B3GALT1: variants seen among roughly 807,000 people sequenced by gnomAD.
B3GALT1 encodes the protein beta-1,3-galactosyltransferase 1.
Under a neutral mutation model 23.2 loss-of-function variants are expected in B3GALT1, and 10 were observed. The ratio of observed to expected loss-of-function variants is 0.43; its 90% CI spans 0.27 to 0.73. The LOEUF (loss-of-function observed/expected upper bound fraction) is 0.73, where lower values mean the gene tolerates loss of function less well. Among genes scored for constraint, B3GALT1 ranks in the 30% least tolerant of loss-of-function variants. The probability of loss-of-function intolerance (pLI) is 0.21; values close to 1 mark genes in which losing one functional copy is unlikely to be tolerated. For synonymous variants in B3GALT1, 156 were observed against 141.5 expected, an observed-to-expected ratio of 1.10 and a Z score of -0.73; for missense variants, 299 against 405.4, an observed-to-expected ratio of 0.74 and a Z score of 2.25.
chr2:167,862,401 G>A (rs922692252), intron 4 of B3GALT1, among the ~76,000 whole-genome samples: 7 of 152,170 alleles, frequency 4.6e-5, no homozygotes, highest in African/African-American at 1.7e-4. Context: ...AGCAGAGAGA[G>A]CAAATTAGCC....
chr2:167,869,492 C>G lies in B3GALT1; in HGVS notation c.453C>G (p.Asn151Lys). 1 of 1,614,042 alleles carries G rather than the reference C, an allele frequency of 6.2e-7. No homozygotes were observed. Among genetic ancestry groups the G allele is most frequent in the Non-Finnish European group, 8.5e-7 (1 of 1,180,022 alleles). Residue 151 changes from asparagine (N) to lysine (K), a missense_variant, in exon 5 of 5, where the codon AAC (asparagine) becomes AAG (lysine). By Grantham distance (94) the Asn-to-Lys change is moderately conservative (BLOSUM62 0). Coordinates refer to ENST00000392690, the MANE Select transcript of B3GALT1 (RefSeq NM_020981.4). This position sits in a 1 kb window ranked among gnomAD's most constrained non-coding sequence, Gnocchi z 6.4. ...AGGACTTTATTGACTCCTACCATAA[C>G]CTTACCCTCAAAACATTAATGGGGA... ...IVEDFIDSYH[N>K]LTLKTLMGMR...
chr2:167,512,596 A>G lies in B3GALT1; in HGVS notation c.-410+22319A>G, dbSNP rs185966823. On this transcript the variant is annotated intron_variant, in intron 2 of 4. Transcript: ENST00000392690. The stretch of plus-strand genomic sequence containing the variant: ...TATATATATGTATATATATATGTGT[A>G]TATATATATATGTATATATATATAC... Among the ~76,000 whole-genome samples, 344 of 75,326 alleles carry G rather than the reference A, an allele frequency of 4.6e-3. 25 individuals are homozygous for G. The highest frequency in any genetic ancestry group is 0.034 in the Admixed American group (231 of 6,854). The allele number at this position is 75,326 out of a possible 152,430, so 49.4% of individuals were successfully genotyped here. A position where few individuals can be genotyped will look rare whatever the true frequency, so the allele number is the denominator to read the frequency against.
intron 2 of B3GALT1, among the ~76,000 whole-genome samples, chr2:167,548,692 G>GTGTGTGTGTGTGTGTGAGAGTGTA (rs1338969574): frequency 4.5e-5 from 6 of 134,766 alleles, no homozygotes; most frequent in African/African-American, 1.5e-4. Flanking sequence ...GTGAGTGTGT[G>GTGTGTGTGTGTGTGTGAGAGTGTA]TGTGTGTGTG....
chr2:167,364,731 T>TAC (rs1697560663), intron 1 of B3GALT1, among the ~76,000 whole-genome samples: 1 of 152,208 alleles, frequency 6.6e-6, no homozygotes, highest in African/African-American at 2.4e-5. Flanking sequence ...CTTATATATA[T>TAC]ACACATACAC....
intron 1 of B3GALT1, among the ~76,000 whole-genome samples, chr2:167,451,936 G>A (rs1027243216): frequency 2.6e-5 from 4 of 152,098 alleles, no homozygotes; most frequent in African/African-American, 9.7e-5. Flanking sequence ...TGCTGCCTTT[G>A]CTGTGTCGTG....
In B3GALT1 at chr2:167,336,822, C is replaced by G. The variant is rs112055008; in HGVS notation, c.-511+43488C>G. Among the ~76,000 whole-genome samples the G allele has an allele frequency of 4.6e-5, 7 of 152,162 alleles. 1 individual carries two copies. The highest frequency in any genetic ancestry group is 1.7e-4 in the African/African-American group (7 of 41,530). ...CTATAATAACTTTTACAGTTCTAAA[C>G]ATTTCCCTCAAGGGCCCATATCCTG... On this transcript the variant is annotated intron_variant, in intron 1 of 4. Transcript: ENST00000392690.
At chr2:167,784,470 G>A (rs1558978140) in intron 3 of B3GALT1, among the ~76,000 whole-genome samples, 1 of 152,160 alleles carries the variant, frequency 6.6e-6, no homozygotes, top group African/African-American at 2.4e-5. Flanking sequence ...TACTGGCACT[G>A]CAAGAGCTAA....
intron 2 of B3GALT1, among the ~76,000 whole-genome samples, chr2:167,595,712 T>C (rs1396905816): frequency 7.2e-5 from 11 of 152,172 alleles, no homozygotes; most frequent in Admixed American, 7.2e-4. Flanking sequence ...TCCACCAAAA[T>C]GAAATGAGAA....
Position 167,857,844 on chromosome 2 carries a change from C to T in B3GALT1, c.-229-10967C>T, listed in dbSNP as rs1003508244. Among the ~76,000 whole-genome samples, 23 of 152,098 alleles carry T rather than the reference C, an allele frequency of 1.5e-4. 1 individual carries two copies. The highest frequency in any genetic ancestry group is 5.3e-4 in the African/African-American group (22 of 41,436). On this transcript the variant is annotated intron_variant, in intron 4 of 4. Transcript: ENST00000392690. ...TCTAGAACAATTTATAAATCTGATT[C>T]TAGCGCTGAAAATTGCTAAGTCCCT... is the stretch of plus-strand genomic sequence containing the variant.
chr2:167,479,446 A>T (rs1221339083), intron 1 of B3GALT1, among the ~76,000 whole-genome samples: 12 of 152,204 alleles, frequency 7.9e-5, no homozygotes, highest in Admixed American at 7.2e-4. Flanking sequence ...TTTAAGAGTG[A>T]ACTGATATAT....
chr2:167,683,746 AACACAC>A (rs369993410), intron 3 of B3GALT1, among the ~76,000 whole-genome samples: 2 of 150,808 alleles, frequency 1.3e-5, no homozygotes, highest in Admixed American at 6.6e-5. Flanking sequence ...TTAAAAAGAA[AACACAC>A]ACACACACAC....
chr2:167,557,578 G>A (rs55771646), intron 2 of B3GALT1, among the ~76,000 whole-genome samples: 5,041 of 152,290 alleles, frequency 0.033, 191 homozygotes, highest in African/African-American at 0.087. Context: ...GAATGTAAGA[G>A]GAGAGAACCC....
At chr2:167,333,019 C>T (rs943576711) in intron 1 of B3GALT1, among the ~76,000 whole-genome samples, 3 of 152,156 alleles carry the variant, frequency 2.0e-5, no homozygotes, top group African/African-American at 7.2e-5. Context: ...ACAAGCATAC[C>T]TTTCCTAAAA....
intron 1 of B3GALT1, among the ~76,000 whole-genome samples, chr2:167,305,524 T>C (rs1049248991): frequency 3.3e-5 from 5 of 152,150 alleles, no homozygotes; most frequent in African/African-American, 9.6e-5. Context: ...ATTTAAAATG[T>C]ATGTGTGCTT....
At chr2:167,740,939 G>A (rs188599518) in intron 3 of B3GALT1, among the ~76,000 whole-genome samples, 609 of 152,266 alleles carry the variant, frequency 4.0e-3, no homozygotes, top group Non-Finnish European at 6.4e-3. Context: ...TCCATCTCTG[G>A]GAGGAGCTCC....
At chr2:167,701,383 G>T (rs532362307) in intron 3 of B3GALT1, among the ~76,000 whole-genome samples, 7 of 152,204 alleles carry the variant, frequency 4.6e-5, no homozygotes, top group Admixed American at 4.6e-4. Flanking sequence ...CAGTGCAGCA[G>T]CCTGTGGACA....
At chr2:167,462,168 A>G (rs555409641) in intron 1 of B3GALT1, among the ~76,000 whole-genome samples, 1 of 152,202 alleles carries the variant, frequency 6.6e-6, no homozygotes, top group East Asian at 1.9e-4. Flanking sequence ...GGAGTTAGGC[A>G]GTGATATGTT....
At position 167,563,085 on chromosome 2, in the gene B3GALT1, A is replaced by G. The variant is rs551803911; in HGVS notation, c.-410+72808A>G. ...GACACGGCAACCATCCGATTTCTCA[A>G]TCTTCTCCCCACCTTTCCCCCCCTT... On this transcript the variant is annotated intron_variant, in intron 2 of 4. Transcript: ENST00000392690. Among the ~76,000 whole-genome samples the G allele has an allele frequency of 2.7e-3, 404 of 151,654 alleles. 1 individual carries two copies. Among genetic ancestry groups the G allele is most frequent in the Non-Finnish European group, 2.4e-3 (160 of 67,948 alleles).
At chr2:167,729,293 T>C (rs1028358515) in intron 3 of B3GALT1, among the ~76,000 whole-genome samples, 2 of 152,184 alleles carry the variant, frequency 1.3e-5, no homozygotes, top group African/African-American at 2.4e-5. Flanking sequence ...AAGACAAACA[T>C]TGTCTGCTTC....
Sources: gnomAD v4.1 joint callset for allele counts (sites outside exome capture counted in the v4.1 genomes callset) on GRCh38, gnomAD v4.1.1 for gene constraint, Gnocchi (gnomAD v3.1) non-coding constraint, MANE v1.5 for transcripts, NCBI Gene and HGNC (gene_info 2026-07-23, HGNC 2026-07-21) for gene names.